Variants in COBL observed in about 807,000 individuals in gnomAD.
The protein encoded by COBL is cordon-bleu WH2 repeat protein.
Under a neutral mutation model 98.8 loss-of-function variants are expected in COBL, and 51 were observed. The ratio of observed to expected loss-of-function variants is 0.52; its 90% CI spans 0.41 to 0.65. COBL has a LOEUF of 0.65. Ranked by LOEUF, COBL falls within the 30% of genes least tolerant of loss-of-function variation. COBL has a pLI of 0.00. For missense variants in COBL, 1,617 were observed against 1,617.5 expected, an observed-to-expected ratio of 1.00 and a Z score of 0.01; for synonymous variants, 634 against 651.7, an observed-to-expected ratio of 0.97 and a Z score of 0.41.
chr7:51,063,293 C>A (rs2128913307), intron 7 of COBL, among the ~76,000 whole-genome samples: 1 of 152,140 alleles, frequency 6.6e-6, no homozygotes, highest in South Asian at 2.1e-4. Context: ...CACCACCGCG[C>A]CCGGCTAATT....
intron 1 of COBL, among the ~76,000 whole-genome samples, chr7:51,276,776 G>C (rs1414223039): frequency 6.6e-6 from 1 of 152,170 alleles, no homozygotes. Flanking sequence ...GGAGATGGGA[G>C]GAAAACCCAA....
intron 1 of COBL, among the ~76,000 whole-genome samples, chr7:51,231,730 T>C (rs1258398829): frequency 2.0e-5 from 3 of 151,970 alleles, no homozygotes; most frequent in African/African-American, 7.3e-5. Flanking sequence ...GGGTGCAGGG[T>C]GGGCCGAGCC....
chr7:51,105,800 G>C (rs902399871), intron 6 of COBL, among the ~76,000 whole-genome samples: 3 of 151,942 alleles, frequency 2.0e-5, no homozygotes, highest in Admixed American at 6.6e-5. Flanking sequence ...GGCTGAGAGA[G>C]GCCTGGGAAA....
intron 1 of COBL, chr7:51,259,846 T>C (rs1006876390): frequency 2.0e-5 from 15 of 755,920 alleles, no homozygotes; most frequent in Admixed American, 1.0e-4. Flanking sequence ...GGCGAAGTCT[T>C]GCCATGGTTC....
intron 6 of COBL, among the ~76,000 whole-genome samples, chr7:51,126,976 G>A (rs1246765686): frequency 6.6e-6 from 1 of 152,112 alleles, no homozygotes; most frequent in Non-Finnish European, 1.5e-5. Flanking sequence ...TGTCTACTGA[G>A]GGTCCACCAC....
At chr7:51,162,715 G>A (rs2118307) in intron 5 of COBL, among the ~76,000 whole-genome samples, 14,774 of 152,264 alleles carry the variant, frequency 0.097, 940 homozygotes, top group African/African-American at 0.17. Context: ...TACAAAGTGG[G>A]CAGTTTAGCA....
At chr7:51,026,774 T>G in intron 10 of COBL, 109 bp from the exon 11 acceptor site, 1 of 1,343,276 alleles carries the variant, frequency 7.4e-7, no homozygotes, top group Non-Finnish European at 1.0e-6. Flanking sequence ...GGCTCATGCC[T>G]GTAATCCCAT....
intron 5 of COBL, among the ~76,000 whole-genome samples, chr7:51,141,085 C>A (rs116373322): frequency 0.016 from 2,410 of 151,054 alleles, 67 homozygotes; most frequent in African/African-American, 0.055. Flanking sequence ...CAGGGACAAA[C>A]AGGAGATGCT....
At chr7:51,151,867 C>T (rs1437101934) in intron 5 of COBL, among the ~76,000 whole-genome samples, 1 of 152,232 alleles carries the variant, frequency 6.6e-6, no homozygotes, top group East Asian at 1.9e-4. Context: ...TGGGAGACCC[C>T]ACGGACAAGC....
chr7:51,218,561 T>C (rs902649797), intron 2 of COBL, among the ~76,000 whole-genome samples: 6 of 152,128 alleles, frequency 3.9e-5, no homozygotes, highest in Admixed American at 6.6e-5. Flanking sequence ...GCAACCTCTG[T>C]CTCCTGGGTT....
At chr7:51,216,118 C>G (rs560246230) in intron 2 of COBL, among the ~76,000 whole-genome samples, 1 of 152,360 alleles carries the variant, frequency 6.6e-6, no homozygotes, top group African/African-American at 2.4e-5. Context: ...AGGCACTGAC[C>G]ATATCATAAT....
intron 7 of COBL, among the ~76,000 whole-genome samples, chr7:51,063,207 G>C: frequency 6.7e-6 from 1 of 149,900 alleles, no homozygotes; most frequent in Non-Finnish European, 1.5e-5. Flanking sequence ...TGATCTTGGC[G>C]CACTGCAACC....
chr7:51,118,810 T>C (rs1408333825), intron 6 of COBL, among the ~76,000 whole-genome samples: 7 of 152,148 alleles, frequency 4.6e-5, no homozygotes, highest in Admixed American at 2.6e-4. Context: ...ATATCCCTCC[T>C]ACATTCAACA....
At chr7:51,108,132 CTG>C (rs1239212315) in intron 6 of COBL, among the ~76,000 whole-genome samples, 1 of 152,200 alleles carries the variant, frequency 6.6e-6, no homozygotes, top group African/African-American at 2.4e-5. Context: ...ACTCCTAACT[CTG>C]TTCCTCTTCC....
intron 5 of COBL, among the ~76,000 whole-genome samples, chr7:51,175,712 T>C (rs996652429): frequency 5.3e-5 from 8 of 152,360 alleles, no homozygotes; most frequent in African/African-American, 1.9e-4. Context: ...TGGTGATTGG[T>C]AGCTGAAGAA....
At chr7:51,168,794 A>G (rs751749667) in intron 5 of COBL, among the ~76,000 whole-genome samples, 10 of 152,226 alleles carry the variant, frequency 6.6e-5, no homozygotes, top group Non-Finnish European at 1.0e-4. Flanking sequence ...GGAAATTAGT[A>G]TATTGAAGAG....
In COBL at chr7:51,065,213, C is replaced by CGTGT. The variant is rs1182792230; in HGVS notation, c.1096+19949_1096+19952dup. 3 of 702,956 alleles carry CGTGT rather than the reference C, an allele frequency of 4.3e-6. No individual in the cohort carries two copies. The East Asian group carries it at 8.0e-5, about 19-fold the overall frequency. 43.5% of individuals were successfully genotyped at this position (702,956 alleles called of 1,614,324 possible). On this transcript the variant is annotated intron_variant, in intron 7 of 12. Coordinates refer to ENST00000265136, the MANE Select transcript of COBL (RefSeq NM_015198.5). ...ACACAAGATGGGTTGTGTGTGTGTG[C>CGTGT]GTGTGTGTGTCTAAGTGTGCACATG...
chr7:51,293,455 G>A (rs1393554326), intron 1 of COBL, among the ~76,000 whole-genome samples: 1 of 152,120 alleles, frequency 6.6e-6, no homozygotes, highest in Non-Finnish European at 1.5e-5. Flanking sequence ...AAATCATCAT[G>A]CCAAGTGAAA....
intron 6 of COBL, among the ~76,000 whole-genome samples, chr7:51,129,677 G>A (rs182216924): frequency 2.0e-5 from 3 of 152,174 alleles, no homozygotes; most frequent in Non-Finnish European, 4.4e-5. Flanking sequence ...GGGTGGAGGT[G>A]GCCAGCGAGA....
Sources: allele counts gnomAD v4.1 joint callset (sites outside exome capture counted in the v4.1 genomes callset), GRCh38; gene constraint gnomAD v4.1.1; transcripts MANE v1.5; gene names NCBI Gene and HGNC (gene_info 2026-07-23, HGNC 2026-07-21).